TIAM2: variants seen among roughly 807,000 people sequenced by gnomAD.
The protein encoded by TIAM2 is rho guanine nucleotide exchange factor TIAM2.
Under a neutral mutation model 152.9 loss-of-function variants are expected in TIAM2, and 80 were observed. The ratio of observed to expected loss-of-function variants is 0.52; its 90% confidence interval spans 0.44 to 0.63. The LOEUF is 0.63. Among genes scored for constraint, TIAM2 ranks in the 30% least tolerant of loss-of-function variants. TIAM2 has a pLI of 0.00. For missense variants in TIAM2, 1,965 were observed against 2,120.1 expected, an observed-to-expected ratio of 0.93 and a Z score of 1.44; for synonymous variants, 804 against 838.0, an observed-to-expected ratio of 0.96 and a Z score of 0.70.
chr6:155,016,233 G>T (rs527969417), intron 1 of TIAM2: 1 of 152,170 alleles, frequency 6.6e-6, no homozygotes, highest in African/African-American at 2.4e-5. Context: ...TTGCAGCATT[G>T]TTTGTAGTGG....
At chr6:155,205,190 A>T (rs1260441465) in intron 14 of TIAM2, among the ~76,000 whole-genome samples, 5 of 63,114 alleles carry the variant, frequency 7.9e-5, no homozygotes, top group African/African-American at 4.5e-4. Flanking sequence ...TCTAAAAAAA[A>T]AAAAAAAAAA....
At position 155,025,821 on chromosome 6, in the gene TIAM2, AACACACACACACACACACAC is replaced by A. The variant is rs58173623; in HGVS notation, c.-209+30365_-209+30384del. Among the ~76,000 whole-genome samples the A allele has an allele frequency of 8.5e-3, 1,126 of 131,868 alleles. 11 individuals are homozygous for A. Among genetic ancestry groups the A allele is most frequent in the East Asian group, 0.031 (138 of 4,482 alleles). The allele number at this position is 131,868 out of a possible 152,430, so 86.5% of individuals were successfully genotyped here. Reference sequence around the variant, plus strand: ...AACACATGTGAGCACCTCCCCCTCAAACACACACACACACACACACACACACACACACACACACACACACA... The same window carrying A: ...AACACATGTGAGCACCTCCCCCTCAAACACACACACACACACACACACACA... On this transcript the variant is annotated intron_variant, in intron 1 of 26. Transcript: ENST00000682666.
rs755898776 is a variant in TIAM2 at position 155,183,496 on chromosome 6, C to A, written c.3060C>A (p.Ala1020=). The A allele has an allele frequency of 1.2e-6, 2 of 1,611,528 alleles. No homozygotes were observed. The highest frequency in any genetic ancestry group is 2.7e-5 in the African/African-American group (2 of 74,812). ...TGGATAACTTTAAAAAGAATACAGC[C>A]AATGGTAAGGCTTTGTTCTGTCTTC... ...EFLDNFKKNT[A]NDFSNVPDIT... Residue 1020 remains alanine (A), a synonymous_variant, in exon 14 of 27, where the codon GCC becomes GCA. Transcript: ENST00000682666.
chr6:155,014,557 T>G (rs1262286937), intron 1 of TIAM2, among the ~76,000 whole-genome samples: 1 of 152,226 alleles, frequency 6.6e-6, no homozygotes, highest in African/African-American at 2.4e-5. Flanking sequence ...AAGATGATTC[T>G]TTGCTGTTTG....
intron 13 of TIAM2, among the ~76,000 whole-genome samples, chr6:155,182,816 A>G (rs1358730718): frequency 1.3e-5 from 2 of 152,232 alleles, no homozygotes; most frequent in Non-Finnish European, 2.9e-5. Context: ...AGGCTGAGGC[A>G]CAAGAATCTC....
At chr6:155,200,971 C>T (rs1203445830) in intron 14 of TIAM2, among the ~76,000 whole-genome samples, 5 of 152,062 alleles carry the variant, frequency 3.3e-5, no homozygotes, top group African/African-American at 9.7e-5. Context: ...TTATCCTCCA[C>T]GCTCCAACCC....
chr6:155,050,925 T>A (rs1777304570), intron 1 of TIAM2, among the ~76,000 whole-genome samples: 1 of 152,204 alleles, frequency 6.6e-6, no homozygotes, highest in Non-Finnish European at 1.5e-5. Flanking sequence ...CATTGGCCTA[T>A]CTAATCACCA....
At chr6:155,221,110 G>GT (rs35638764) in intron 15 of TIAM2, among the ~76,000 whole-genome samples, 1 of 98,962 alleles carries the variant, frequency 1.0e-5, no homozygotes, top group Non-Finnish European at 2.1e-5. Context: ...CTTTCATCTT[G>GT]TTTTTTTTTT....
chr6:155,220,718 C>T (rs773962545), intron 15 of TIAM2, among the ~76,000 whole-genome samples: 23 of 152,088 alleles, frequency 1.5e-4, no homozygotes, highest in Admixed American at 9.2e-4. Context: ...AAGAAGACAT[C>T]GTTTTAAACT....
intron 26 of TIAM2, 186 bp from the exon 27 acceptor site, chr6:155,256,298 A>AC: frequency 1.2e-6 from 1 of 827,332 alleles, no homozygotes; most frequent in Non-Finnish European, 1.9e-6. Context: ...ACAACTGTAA[A>AC]CCTAAGTCAA....
At chr6:155,121,267 CA>C (rs1250986925) in intron 2 of TIAM2, among the ~76,000 whole-genome samples, 3 of 152,186 alleles carry the variant, frequency 2.0e-5, no homozygotes, top group Admixed American at 1.3e-4. Flanking sequence ...CCTGAAACAG[CA>C]GTTATTATGA....
chr6:155,219,865 C>T lies in TIAM2; in HGVS notation c.3168+8558C>T, dbSNP rs145206126. Among the ~76,000 whole-genome samples the T allele has an allele frequency of 6.4e-3, 961 of 149,916 alleles. 7 individuals are homozygous for T. The highest frequency in any genetic ancestry group is 0.022 in the African/African-American group (910 of 40,544). On this transcript the variant is annotated intron_variant, in intron 15 of 26. Coordinates refer to ENST00000682666, the MANE Select transcript of TIAM2 (RefSeq NM_012454.4). ...GTTGGCAATGTCACTTACGTGTCAA[C>T]AGGAAAAACAGGAAAAAAAAAAAGA...
intron 1 of TIAM2, among the ~76,000 whole-genome samples, chr6:155,010,050 G>A (rs1179664021): frequency 6.6e-6 from 1 of 151,966 alleles, no homozygotes; most frequent in Admixed American, 6.6e-5. Context: ...ATGGGGTTTT[G>A]GTCTTGAATT....
chr6:155,067,392 C>A (rs1424969625), intron 1 of TIAM2, among the ~76,000 whole-genome samples: 1 of 152,166 alleles, frequency 6.6e-6, no homozygotes, highest in Non-Finnish European at 1.5e-5. Flanking sequence ...CACATGTCTG[C>A]TGAGGGCTCC....
chr6:155,204,782 C>T (rs549984359), intron 14 of TIAM2, among the ~76,000 whole-genome samples: 26 of 152,128 alleles, frequency 1.7e-4, no homozygotes, highest in Non-Finnish European at 2.6e-4. Context: ...CGGCTTTTTC[C>T]GATGCGGTGA....
intron 11 of TIAM2, 33 bp from the exon 12 acceptor site, chr6:155,179,345 A>ACC: frequency 1.9e-6 from 3 of 1,604,258 alleles, no homozygotes; most frequent in Non-Finnish European, 2.6e-6. Flanking sequence ...ATAACATGAG[A>ACC]TCCTCTGATT....
In TIAM2 at chr6:155,050,490, A is replaced by G. The variant is rs543046395; in HGVS notation, c.-208-39799A>G. 5.1e-3 allele frequency among the ~76,000 whole-genome samples: 783 copies of G among 152,322 alleles called. 3 individuals carry two copies. Among genetic ancestry groups the G allele is most frequent in the Non-Finnish European group, 8.4e-3 (571 of 68,014 alleles). The stretch of plus-strand genomic sequence containing the variant: ...ATGTCACCATCTCAAAAAATTAGTC[A>G]TGGTCTGGATATAGACTGAGACAAT... On this transcript the variant is annotated intron_variant, in intron 1 of 26. Transcript: ENST00000682666.
At chr6:155,031,706 G>A (rs965045266) in intron 1 of TIAM2, among the ~76,000 whole-genome samples, 1 of 152,126 alleles carries the variant, frequency 6.6e-6, no homozygotes, top group Admixed American at 6.6e-5. Flanking sequence ...CCTGGGCACA[G>A]AGTGTGTGTC....
rs118089679 is a variant in TIAM2 at position 155,195,722 on chromosome 6, C to T, written c.3064+12222C>T. ...GGTTGCAGTTGTGCATAGGGCAGGC[C>T]GGTAGTGCTCAGGGAACAATGGACA... On this transcript the variant is annotated intron_variant, in intron 14 of 26. Coordinates refer to ENST00000682666, the MANE Select transcript of TIAM2 (RefSeq NM_012454.4). Among the ~76,000 whole-genome samples, 304 of 152,202 alleles carry T rather than the reference C, an allele frequency of 2.0e-3. 8 individuals are homozygous for T. The East Asian group carries it at 0.054, about 27-fold the overall frequency.
Sources: gnomAD v4.1 joint callset for allele counts (sites outside exome capture counted in the v4.1 genomes callset) on GRCh38, gnomAD v4.1.1 for gene constraint, MANE v1.5 for transcripts, NCBI Gene and HGNC (gene_info 2026-07-23, HGNC 2026-07-21) for gene names.